Variants in ZNF536 observed in about 807,000 individuals in gnomAD.
ZNF536 encodes zinc finger protein 536.
Under a neutral mutation model 84.5 loss-of-function variants are expected in ZNF536, and 13 were observed. The observed-to-expected ratio is 0.15, with a 90% confidence interval of 0.10 to 0.24. The LOEUF (loss-of-function observed/expected upper bound fraction) is 0.24. ZNF536 is among the 10% of genes least tolerant of loss of function. The pLI is 1.00. For synonymous variants in ZNF536, 811 were observed against 742.5 expected (o/e 1.09, Z -1.50); for missense variants, 1,536 against 1,747.5 (o/e 0.88, Z 2.16).
At chr19:30,614,074 G>A (rs1449187784) in intron 1 of ZNF536, among the ~76,000 whole-genome samples, 3 of 152,158 alleles carry the variant, frequency 2.0e-5, no homozygotes, top group African/African-American at 7.2e-5. Flanking sequence ...TATTGGCCAG[G>A]CTAGTCTCGA....
chr19:30,341,631 C>G lies in ZNF536; in HGVS notation c.-119-10737C>G, dbSNP rs74256444. On this transcript the variant is annotated intron_variant, in intron 2 of 5. Transcript: ENST00000585628. ...ATAAACCCAGGGCAGCCCCCCTCAT[C>G]TCTTTGTGCAGTAGAACTTGCAGAG... Among the ~76,000 whole-genome samples the G allele has an allele frequency of 1.4e-3, 214 of 152,204 alleles. 4 individuals are homozygous for G. The East Asian group carries it at 0.037, about 26-fold the overall frequency.
At chr19:30,299,926 C>G (rs1216947697) in intron 2 of ZNF536, among the ~76,000 whole-genome samples, 1 of 152,114 alleles carries the variant, frequency 6.6e-6, no homozygotes, top group East Asian at 1.9e-4. Flanking sequence ...AATGCCTAAT[C>G]TAATTCACCA....
chr19:30,694,947 A>G (rs2051592762), intron 1 of ZNF536, among the ~76,000 whole-genome samples: 1 of 152,210 alleles, frequency 6.6e-6, no homozygotes, highest in Non-Finnish European at 1.5e-5. Flanking sequence ...CTGAGCTTCA[A>G]TGCAGGAAAG....
intron 1 of ZNF536, among the ~76,000 whole-genome samples, chr19:30,567,203 C>T (rs1030816366): frequency 2.0e-5 from 3 of 152,234 alleles, no homozygotes; most frequent in African/African-American, 7.2e-5. Context: ...GCCCGCCAGG[C>T]TCATGTCAGG....
At chr19:30,702,479 G>C (rs1449612622) in intron 1 of ZNF536, among the ~76,000 whole-genome samples, 5 of 152,276 alleles carry the variant, frequency 3.3e-5, no homozygotes, top group African/African-American at 1.2e-4. Context: ...GCCCCCATCT[G>C]GCCACACCAC....
intron 1 of ZNF536, among the ~76,000 whole-genome samples, chr19:30,235,025 G>A (rs544759352): frequency 1.8e-4 from 27 of 152,334 alleles, no homozygotes; most frequent in African/African-American, 6.0e-4. Context: ...AGGTACAGGA[G>A]GAAGGGAAGG....
intron 2 of ZNF536, chr19:30,300,785 GGAT>G (rs2046154938): frequency 6.6e-6 from 1 of 152,258 alleles, no homozygotes; most frequent in Non-Finnish European, 1.5e-5. Context: ...GTACCCGGCA[GGAT>G]GATCGCAACG....
intron 1 of ZNF536, among the ~76,000 whole-genome samples, chr19:30,422,579 C>G (rs1254760748): frequency 1.3e-5 from 2 of 152,312 alleles, no homozygotes; most frequent in East Asian, 3.9e-4. Flanking sequence ...TGACCCTCTT[C>G]CTTTCTAGAG....
chr19:30,347,389 G>T (rs1423237101), intron 2 of ZNF536, among the ~76,000 whole-genome samples: 1 of 152,204 alleles, frequency 6.6e-6, no homozygotes, highest in Non-Finnish European at 1.5e-5. Context: ...TTTGATAGAG[G>T]TGGATATCTG....
intron 2 of ZNF536, among the ~76,000 whole-genome samples, chr19:30,297,429 G>T (rs371052560): frequency 1.3e-5 from 2 of 152,082 alleles, no homozygotes; most frequent in Non-Finnish European, 2.9e-5. Flanking sequence ...ACCCTTGAAG[G>T]TTTTATTACT....
chr19:30,511,643 C>T (rs1007306399), intron 2 of ZNF536, among the ~76,000 whole-genome samples: 5 of 152,082 alleles, frequency 3.3e-5, no homozygotes, highest in Non-Finnish European at 7.3e-5. Flanking sequence ...TAACTCACCC[C>T]CACAGCAGAC....
At chr19:30,490,157 T>C (rs1038553622) in intron 2 of ZNF536, among the ~76,000 whole-genome samples, 1 of 151,852 alleles carries the variant, frequency 6.6e-6, no homozygotes, top group Non-Finnish European at 1.5e-5. Flanking sequence ...AAGCCATTGC[T>C]AACTTTTTTT....
At position 30,291,406 on chromosome 19, in the gene ZNF536, C is replaced by T. The variant is rs561190718; in HGVS notation, c.-120+7265C>T. 1.1e-4 allele frequency among the ~76,000 whole-genome samples: 16 copies of T among 152,192 alleles called. 1 individual carries two copies. The South Asian group carries it at 2.9e-3, about 28-fold the overall frequency. On this transcript the variant is annotated intron_variant, in intron 2 of 5. Coordinates refer to the ZNF536 transcript ENST00000585628. ...TAACTGGTATGAGATGGTATCTCTT[C>T]GTGGTTTCAATTTGCATTTCTCTAA... is the stretch of plus-strand genomic sequence containing the variant.
chr19:30,578,808 G>A (rs1599867242), intron 1 of ZNF536, among the ~76,000 whole-genome samples: 1 of 152,150 alleles, frequency 6.6e-6, no homozygotes, highest in Non-Finnish European at 1.5e-5. Flanking sequence ...GCTCTCATGG[G>A]CCATTTATCA....
intron 1 of ZNF536, among the ~76,000 whole-genome samples, chr19:30,400,308 A>T (rs2049995841): frequency 6.6e-6 from 1 of 152,156 alleles, no homozygotes; most frequent in African/African-American, 2.4e-5. Flanking sequence ...AAAATGTCAA[A>T]GTTTTCCAGA....
intron 1 of ZNF536, among the ~76,000 whole-genome samples, chr19:30,422,930 T>C (rs1417637522): frequency 8.6e-6 from 1 of 116,400 alleles, no homozygotes; most frequent in Non-Finnish European, 1.7e-5. Flanking sequence ...TCTGCCTATC[T>C]ACACATCCAT....
chr19:30,466,461 G>T (rs1299337403), intron 2 of ZNF536, among the ~76,000 whole-genome samples: 1 of 151,590 alleles, frequency 6.6e-6, no homozygotes, highest in Non-Finnish European at 1.5e-5. Flanking sequence ...CTACTCAGGA[G>T]GCTGAGGTAG....
intron 3 of ZNF536, among the ~76,000 whole-genome samples, chr19:30,356,421 G>A (rs897548607): frequency 5.3e-5 from 8 of 152,248 alleles, no homozygotes; most frequent in Non-Finnish European, 4.4e-5. Context: ...GTACAGATGA[G>A]TGAGTCAACA....
intron 2 of ZNF536, among the ~76,000 whole-genome samples, chr19:30,485,099 G>A (rs999182876): frequency 4.6e-5 from 7 of 152,010 alleles, no homozygotes; most frequent in Non-Finnish European, 7.4e-5. Context: ...AGCAGAGATC[G>A]CGCCACTGCA....
Sources: allele counts gnomAD v4.1 joint callset (sites outside exome capture counted in the v4.1 genomes callset), GRCh38; gene constraint gnomAD v4.1.1; transcripts MANE v1.5; gene names NCBI Gene and HGNC (gene_info 2026-07-23, HGNC 2026-07-21).